The following SGCD variants were observed in gnomAD, a reference collection of about 807,000 sequenced individuals.
SGCD encodes the protein sarcoglycan delta, also known as delta-sarcoglycan.
Under a neutral mutation model 36.6 loss-of-function variants are expected in SGCD, and 18 were observed. The observed-to-expected ratio is 0.49, with a 90% CI of 0.34 to 0.73. The LOEUF (loss-of-function observed/expected upper bound fraction) is 0.73. Ranked by LOEUF, SGCD falls within the 30% of genes least tolerant of loss-of-function variation. The probability of loss-of-function intolerance (pLI) is 0.01; values close to 1 mark genes in which losing one functional copy is unlikely to be tolerated. For synonymous variants in SGCD, 133 were observed against 130.6 expected (o/e 1.02, Z -0.12); for missense variants, 387 against 346.7 (o/e 1.12, Z -0.92).
At chr5:156,102,574 C>T (rs529377814) in intron 1 of SGCD, among the ~76,000 whole-genome samples, 1 of 152,260 alleles carries the variant, frequency 6.6e-6, no homozygotes, top group African/African-American at 2.4e-5. Flanking sequence ...CTGATGTATG[C>T]ATCCAAATTC....
chr5:155,840,549 A>G, the SGCD span, among the ~76,000 whole-genome samples: 1 of 149,352 alleles, frequency 6.7e-6, no homozygotes, highest in Admixed American at 6.7e-5. Flanking sequence ...TCGGCCTCCC[A>G]AAGTGCTGGG....
chr5:156,433,497 G>A (rs142409383), intron 3 of SGCD, among the ~76,000 whole-genome samples: 3 of 152,278 alleles, frequency 2.0e-5, no homozygotes, highest in South Asian at 2.1e-4. Context: ...TGGTTGGTGA[G>A]CATTAGCAAG....
At chr5:156,084,456 C>T (rs1274009163) in intron 1 of SGCD, among the ~76,000 whole-genome samples, 2 of 152,050 alleles carry the variant, frequency 1.3e-5, no homozygotes, top group African/African-American at 4.8e-5. Context: ...ATCTCTCATC[C>T]AAGTACCAAC....
intron 2 of SGCD, among the ~76,000 whole-genome samples, chr5:156,333,783 ATTTTTTTTTTTTTTTTT>A (rs70984404): frequency 5.0e-4 from 10 of 19,930 alleles, no homozygotes; most frequent in African/African-American, 7.7e-4. Context: ...TAGAAAAGTG[ATTTTTTTTTTTTTTTTT>A]TTTTTTTTTT....
chr5:156,035,176 A>G (rs1232707649), intron 1 of SGCD, among the ~76,000 whole-genome samples: 1 of 152,100 alleles, frequency 6.6e-6, no homozygotes, highest in East Asian at 1.9e-4. Flanking sequence ...TTGTTTTTCT[A>G]CTTTGAAATG....
At chr5:156,457,083 A>AT (rs1754294760) in intron 3 of SGCD, among the ~76,000 whole-genome samples, 1 of 152,184 alleles carries the variant, frequency 6.6e-6, no homozygotes, top group Non-Finnish European at 1.5e-5. Context: ...CCAAAACCAC[A>AT]TTTTTATGCT....
At chr5:155,885,849 T>C (rs1284395457) in intron 1 of SGCD, among the ~76,000 whole-genome samples, 2 of 152,224 alleles carry the variant, frequency 1.3e-5, no homozygotes, top group Non-Finnish European at 2.9e-5. Context: ...GAGGCCTCAC[T>C]TGGGAAGGAT....
At chr5:156,564,490 A>C (rs1048607685) in intron 4 of SGCD, among the ~76,000 whole-genome samples, 1 of 152,168 alleles carries the variant, frequency 6.6e-6, no homozygotes, top group African/African-American at 2.4e-5. Context: ...ACGTTATGTA[A>C]ATTATACATA....
At chr5:156,569,581 A>G (rs1759634739) in intron 4 of SGCD, among the ~76,000 whole-genome samples, 1 of 150,198 alleles carries the variant, frequency 6.7e-6, no homozygotes, top group African/African-American at 2.5e-5. Context: ...GACAGAGTGC[A>G]TATTGATTTT....
chr5:156,463,859 G>T (rs973854621), intron 3 of SGCD, among the ~76,000 whole-genome samples: 1 of 152,120 alleles, frequency 6.6e-6, no homozygotes, highest in African/African-American at 2.4e-5. Context: ...GCCAGGCATG[G>T]ACAGGAGGAT....
At chr5:156,378,734 G>A (rs1324255256) in intron 3 of SGCD, among the ~76,000 whole-genome samples, 8 of 151,904 alleles carry the variant, frequency 5.3e-5, no homozygotes, top group Admixed American at 3.3e-4. Context: ...CTGGTGGTGA[G>A]CTATTAGTTT....
intron 4 of SGCD, among the ~76,000 whole-genome samples, chr5:156,574,417 G>A (rs1200240614): frequency 1.3e-5 from 2 of 152,084 alleles, no homozygotes; most frequent in Non-Finnish European, 2.9e-5. Flanking sequence ...TGTAAGGGAG[G>A]TACTGTTACT....
intron 3 of SGCD, among the ~76,000 whole-genome samples, chr5:156,389,900 T>G (rs1771474435): frequency 1.2e-5 from 1 of 86,170 alleles, no homozygotes; most frequent in South Asian, 5.4e-4. Flanking sequence ...GTATATATTA[T>G]GTTACACACA....
At chr5:156,757,263 CAAAAAAAAAAA>C (rs34767809) in intron 7 of SGCD, among the ~76,000 whole-genome samples, 4 of 69,386 alleles carry the variant, frequency 5.8e-5, no homozygotes, top group South Asian at 7.6e-4. Context: ...CTTACTTTTA[CAAAAAAAAAAA>C]AAAAAAAAAA....
chr5:156,755,772 T>A (rs1337387442), intron 7 of SGCD, among the ~76,000 whole-genome samples: 1 of 152,150 alleles, frequency 6.6e-6, no homozygotes, highest in African/African-American at 2.4e-5. Context: ...ACATAGAAAC[T>A]CAGGCCAATC....
intron 6 of SGCD, among the ~76,000 whole-genome samples, chr5:156,627,162 A>G (rs1762468964): frequency 6.6e-6 from 1 of 152,172 alleles, no homozygotes; most frequent in African/African-American, 2.4e-5. Flanking sequence ...AATTAGGAGG[A>G]ATGTCAGCTT....
the SGCD span, among the ~76,000 whole-genome samples, chr5:155,744,554 G>T: frequency 6.6e-5 from 10 of 152,186 alleles, no homozygotes; most frequent in Admixed American, 6.5e-4. Context: ...CATAATAAAT[G>T]ATTAGGAAGA....
intron 3 of SGCD, among the ~76,000 whole-genome samples, chr5:156,505,758 T>C (rs1024832301): frequency 7.0e-6 from 1 of 142,654 alleles, no homozygotes; most frequent in Non-Finnish European, 1.5e-5. Context: ...AGCATGTTCA[T>C]AGTGTGTGTG....
rs534995119 is a variant in SGCD, at chr5:156,067,616, G to A, written c.-281-50262G>A. Among the ~76,000 whole-genome samples, 6 of 99,706 alleles carry A rather than the reference G, an allele frequency of 6.0e-5. 1 individual carries two copies. The highest frequency in any genetic ancestry group is 2.5e-4 in the African/African-American group (3 of 12,098). 65.4% of individuals were successfully genotyped at this position (99,706 alleles called of 152,430 possible). On this transcript the variant is annotated intron_variant, in intron 1 of 9. Transcript: ENST00000517913. ...AGATTCCGTGGGCGTAGGACCCTCC[G>A]AGCCAGGTGTGGGATATAGTCTCGT...
Sources: gnomAD v4.1 joint callset for allele counts (sites outside exome capture counted in the v4.1 genomes callset) on GRCh38, gnomAD v4.1.1 for gene constraint, MANE v1.5 for transcripts, NCBI Gene and HGNC (gene_info 2026-07-23, HGNC 2026-07-21) for gene names.